Variants in WAPL observed in about 807,000 individuals in gnomAD.
WAPL encodes wings apart-like protein homolog.
A neutral mutation model predicts 121.0 loss-of-function variants in WAPL; 5 were observed. The observed-to-expected ratio is 0.04, with a 90% confidence interval of 0.02 to 0.09. The LOEUF (loss-of-function observed/expected upper bound fraction) is 0.09. WAPL is among the 10% of genes least tolerant of loss of function. WAPL has a pLI of 1.00. For missense variants in WAPL, 999 were observed against 1,410.8 expected, an observed-to-expected ratio of 0.71 and a Z score of 4.68; for synonymous variants, 480 against 481.5, an observed-to-expected ratio of 1.00 and a Z score of 0.04.
intron 4 of WAPL, among the ~76,000 whole-genome samples, chr10:86,477,922 G>T (rs530220592): frequency 1.3e-5 from 2 of 151,962 alleles, no homozygotes; most frequent in African/African-American, 4.8e-5. Flanking sequence ...TCGCATGGTG[G>T]TAGGTGCCTG....
chr10:86,509,122 T>C (rs1251282696), intron 2 of WAPL, among the ~76,000 whole-genome samples: 1 of 152,212 alleles, frequency 6.6e-6, no homozygotes, highest in African/African-American at 2.4e-5. Context: ...TAATCCTTTC[T>C]TTCCAGATAA....
chr10:86,514,018 A>G (rs1842513301), intron 2 of WAPL, among the ~76,000 whole-genome samples: 1 of 152,224 alleles, frequency 6.6e-6, no homozygotes, highest in Non-Finnish European at 1.5e-5. Context: ...TCATTCTCAG[A>G]AGGGTCCCTA....
rs189677592 is a variant in WAPL at position 86,498,654 on chromosome 10, A to G, written c.1525+1064T>C. ...ATATGTAAACCAATCCAGAAAAACT[A>G]TATTTGGTTAAGAAACCATGTATCC... On this transcript the variant is annotated intron_variant, in intron 3 of 18. Coordinates refer to ENST00000298767, the MANE Select transcript of WAPL (RefSeq NM_015045.5). 9.8e-5 allele frequency among the ~76,000 whole-genome samples: 15 copies of G among 152,330 alleles called. No individual in the cohort carries two copies. The East Asian group carries it at 2.3e-3, about 23-fold the overall frequency.
chr10:86,438,840 C>A (rs1849391306), intron 17 of WAPL, among the ~76,000 whole-genome samples: 1 of 152,156 alleles, frequency 6.6e-6, no homozygotes, highest in African/African-American at 2.4e-5. Context: ...GGAGAGAAAA[C>A]CCTTCATTAT....
intron 16 of WAPL, among the ~76,000 whole-genome samples, chr10:86,445,952 T>A (rs1251785205): frequency 6.6e-6 from 1 of 152,198 alleles, no homozygotes. Context: ...AATCCTATTA[T>A]GTCTCCTATA....
rs533508391 is a variant in WAPL, at chr10:86,457,282, G to A, written c.2657+1707C>T. ...AGGCAGGAGAATCACTTAAGCCCACGAGTTTGAGACCAGCTGGGACAACAT... is the reference window on the plus strand; with the variant it reads ...AGGCAGGAGAATCACTTAAGCCCACAAGTTTGAGACCAGCTGGGACAACAT... On this transcript the variant is annotated intron_variant, in intron 12 of 18. Transcript: ENST00000298767. 2.9e-5 allele frequency among the ~76,000 whole-genome samples: 4 copies of A among 140,350 alleles called. No homozygotes were observed. The East Asian group carries it at 6.3e-4, about 22-fold the overall frequency. 92.1% of individuals were successfully genotyped at this position (140,350 alleles called of 152,430 possible).
At chr10:86,484,826 C>T (rs1172301993) in intron 4 of WAPL, among the ~76,000 whole-genome samples, 2 of 152,194 alleles carry the variant, frequency 1.3e-5, no homozygotes, top group African/African-American at 4.8e-5. Flanking sequence ...CAGGCTATAC[C>T]ATATAGCCTA....
intron 15 of WAPL, among the ~76,000 whole-genome samples, chr10:86,449,657 T>G (rs7089540): frequency 0.85 from 129,836 of 151,878 alleles, 56,143 homozygotes; most frequent in Non-Finnish European, 0.92. Context: ...ACCCCTATTA[T>G]GTGGATAATG....
rs906539904 is a variant in WAPL at position 86,436,287 on chromosome 10, A to C, written c.*1256T>G. ...TATTTTTATGGCTTCAAGTTTTACA[A>C]ATCCAATGAAGAAACATGATGTAAC... On this transcript the variant is annotated 3_prime_UTR_variant, in exon 19 of 19. Coordinates refer to ENST00000298767, the MANE Select transcript of WAPL (RefSeq NM_015045.5). The C allele has an allele frequency of 4.6e-5, 7 of 152,674 alleles. No homozygotes were observed. Among genetic ancestry groups the C allele is most frequent in the African/African-American group, 1.7e-4 (7 of 41,466 alleles). The allele number at this position is 152,674 out of a possible 1,614,324, so 9.5% of individuals were successfully genotyped here.
chr10:86,449,415 T>C (rs757937810), intron 15 of WAPL, among the ~76,000 whole-genome samples: 30 of 152,176 alleles, frequency 2.0e-4, no homozygotes, highest in Non-Finnish European at 3.7e-4. Context: ...ACAAAAACTT[T>C]AAACTGATTT....
rs1359106777 is a variant in WAPL, at chr10:86,437,256, G to A, written c.*287C>T. 3.4e-6 allele frequency: 1 copy of A among 290,298 alleles called. No individual in the cohort carries two copies. Among genetic ancestry groups the A allele is most frequent in the African/African-American group, 2.2e-5 (1 of 45,196 alleles). The allele number at this position is 290,298 out of a possible 1,614,324, so 18.0% of individuals were successfully genotyped here. A position where few individuals can be genotyped will look rare whatever the true frequency, so the allele number is the denominator to read the frequency against. On this transcript the variant is annotated 3_prime_UTR_variant, in exon 19 of 19. Transcript: ENST00000298767. ...GCCCAGAATAAAGCAAGAAAACAAG[G>A]GGAGGGTATAAACTCTGCCAAAGTA...
intron 2 of WAPL, 69 bp from the exon 3 acceptor site, chr10:86,500,812 G>A (rs1447223841): frequency 1.5e-5 from 19 of 1,255,186 alleles, no homozygotes; most frequent in South Asian, 6.2e-5. Context: ...TAACATATAT[G>A]TGGTTAATCA....
intron 5 of WAPL, 53 bp downstream of exon 5, chr10:86,473,825 C>T (rs1373269489): frequency 5.2e-6 from 7 of 1,355,474 alleles, no homozygotes; most frequent in Non-Finnish European, 7.3e-6. Flanking sequence ...AGAGTAACTG[C>T]TTAATTTATA....
At chr10:86,505,318 T>C (rs1358926098) in intron 2 of WAPL, among the ~76,000 whole-genome samples, 1 of 141,470 alleles carries the variant, frequency 7.1e-6, no homozygotes, top group African/African-American at 2.6e-5. Context: ...TTTTTTTTTT[T>C]TTTTTTTGGA....
intron 15 of WAPL, among the ~76,000 whole-genome samples, chr10:86,451,703 T>A (rs1840985174): frequency 6.6e-6 from 1 of 152,166 alleles, no homozygotes. Flanking sequence ...TATACCACAT[T>A]TTTAATTGGT....
chr10:86,507,821 T>G (rs924155649), intron 2 of WAPL, among the ~76,000 whole-genome samples: 7 of 151,994 alleles, frequency 4.6e-5, no homozygotes, highest in Admixed American at 6.6e-5. Flanking sequence ...TACTAACCCC[T>G]TTCTCCCCTT....
chr10:86,479,139 C>A (rs1841726455), intron 4 of WAPL, among the ~76,000 whole-genome samples: 1 of 151,872 alleles, frequency 6.6e-6, no homozygotes. Context: ...ACAACAACAA[C>A]AAAAACAGAG....
At chr10:86,457,327 TAAAAAAA>T (rs10668599) in intron 12 of WAPL, among the ~76,000 whole-genome samples, 4 of 111,228 alleles carry the variant, frequency 3.6e-5, no homozygotes, top group Non-Finnish European at 6.9e-5. Context: ...CTGTATCTAT[TAAAAAAA>T]AAAAAAAAAA....
intron 15 of WAPL, among the ~76,000 whole-genome samples, 156 bp from the exon 16 acceptor site, chr10:86,446,605 C>T (rs1231872875): frequency 6.6e-6 from 1 of 152,226 alleles, no homozygotes; most frequent in Non-Finnish European, 1.5e-5. Flanking sequence ...TTTTGCTCTA[C>T]ACCCTACTGA....
Sources: gnomAD v4.1 joint callset for allele counts (sites outside exome capture counted in the v4.1 genomes callset) on GRCh38, gnomAD v4.1.1 for gene constraint, MANE v1.5 for transcripts, NCBI Gene and HGNC (gene_info 2026-07-23, HGNC 2026-07-21) for gene names.